Variants in FAP observed in about 807,000 individuals in gnomAD.
FAP encodes prolyl endopeptidase FAP.
Under a neutral mutation model 126.5 loss-of-function variants are expected in FAP, and 110 were observed. The observed-to-expected ratio is 0.87, with a 90% CI of 0.74 to 1.02. The LOEUF is 1.02. Among genes scored for constraint, FAP ranks in the 50% least tolerant of loss-of-function variants. The pLI is 0.00. For synonymous variants in FAP, 334 were observed against 297.3 expected (o/e 1.12, Z -1.27); for missense variants, 919 against 909.2 (o/e 1.01, Z -0.14).
At chr2:162,206,366 GT>G (rs1488151539) in intron 12 of FAP, among the ~76,000 whole-genome samples, 2 of 152,134 alleles carry the variant, frequency 1.3e-5, no homozygotes, top group Admixed American at 1.3e-4. Context: ...TCTATATGAA[GT>G]GCAAAGCCAT....
intron 12 of FAP, among the ~76,000 whole-genome samples, chr2:162,204,727 T>C (rs181715450): frequency 1.3e-5 from 2 of 152,316 alleles, no homozygotes; most frequent in Admixed American, 1.3e-4. Context: ...AATAAATTTC[T>C]GTTGTTTTAA....
intron 12 of FAP, among the ~76,000 whole-genome samples, chr2:162,205,813 A>G (rs76803791): frequency 0.012 from 1,844 of 152,240 alleles, 24 homozygotes; most frequent in South Asian, 0.023. Context: ...TACCCGGCCT[A>G]TGTCTCCTTC....
intron 15 of FAP, 52 bp from the exon 16 acceptor site, chr2:162,198,933 C>A: frequency 3.3e-6 from 5 of 1,517,634 alleles, no homozygotes; most frequent in South Asian, 1.1e-5. Flanking sequence ...TTGTATTTAT[C>A]AAAATGTACT....
rs1167000718 is a variant in FAP at position 162,188,228 on chromosome 2, G to A, written c.1755C>T (p.Leu585=). 9 of 1,613,180 alleles carry A rather than the reference G, an allele frequency of 5.6e-6. No homozygotes were observed. The highest frequency in any genetic ancestry group is 1.3e-5 in the African/African-American group (1 of 74,836). ...CACCCAGCTTTCGATACACTGCATA[G>A]AGGAGTTTGTCACCTTGGAAAGCTG... is the stretch of plus-strand genomic sequence containing the variant. ...RGTAFQGDKL[L]YAVYRKLGVY... Residue 585 remains leucine (L), a synonymous_variant, in exon 20 of 26, where the codon CTC becomes CTT. Coordinates refer to ENST00000188790, the MANE Select transcript of FAP (RefSeq NM_004460.5).
intron 20 of FAP, among the ~76,000 whole-genome samples, chr2:162,186,332 C>T (rs1687866347): frequency 1.3e-5 from 2 of 152,030 alleles, no homozygotes; most frequent in African/African-American, 4.8e-5. Flanking sequence ...ATCCAATTAC[C>T]ACCTCTAGTC....
intron 17 of FAP, among the ~76,000 whole-genome samples, chr2:162,190,584 G>A (rs1241314664): frequency 3.3e-5 from 5 of 152,136 alleles, no homozygotes; most frequent in East Asian, 1.9e-4. Context: ...TAGCAATAGC[G>A]GGCTTTTTAT....
rs1687936801 is a variant in FAP, at chr2:162,188,684, G to T, written c.1620-321C>A. 3.3e-5 allele frequency among the ~76,000 whole-genome samples: 5 copies of T among 152,092 alleles called. No homozygotes were observed. In the South Asian group the frequency reaches 8.3e-4, roughly 25 times the overall value. ...AGACATAAGATATACTAAAAAAAAT[G>T]CATGGTGTTTTAAGCAAATTGTGTG... is the stretch of plus-strand genomic sequence containing the variant. On this transcript the variant is annotated intron_variant, in intron 19 of 25. Transcript: ENST00000188790.
At chr2:162,179,940 C>T (rs964376257) in intron 21 of FAP, among the ~76,000 whole-genome samples, 1 of 151,740 alleles carries the variant, frequency 6.6e-6, no homozygotes, top group Non-Finnish European at 1.5e-5. Flanking sequence ...TCCTGAGTAG[C>T]TGGGATTACA....
At chr2:162,200,255 T>G (rs533473116) in intron 15 of FAP, among the ~76,000 whole-genome samples, 1 of 152,178 alleles carries the variant, frequency 6.6e-6, no homozygotes, top group Admixed American at 6.5e-5. Context: ...TCAACAAATG[T>G]GTGTTAAATA....
intron 9 of FAP, among the ~76,000 whole-genome samples, chr2:162,216,558 G>T (rs1468898685): frequency 6.6e-6 from 1 of 152,124 alleles, no homozygotes; most frequent in Admixed American, 6.5e-5. Flanking sequence ...AAGTATCCAT[G>T]AGATTTATAC....
At chr2:162,210,467 A>G (rs1688882710) in intron 11 of FAP, among the ~76,000 whole-genome samples, 1 of 152,236 alleles carries the variant, frequency 6.6e-6, no homozygotes, top group African/African-American at 2.4e-5. Flanking sequence ...ACTTTTCTAG[A>G]CAAATAATTA....
chr2:162,192,482 C>T (rs1466462660), intron 17 of FAP, among the ~76,000 whole-genome samples: 2 of 152,072 alleles, frequency 1.3e-5, no homozygotes, highest in African/African-American at 4.8e-5. Context: ...TTCCATTTCT[C>T]AAGTGTTGAT....
At position 162,214,002 on chromosome 2, in the gene FAP, T is replaced by C; in HGVS notation, c.938A>G (p.Gln313Arg). Residue 313 changes from glutamine to arginine, a missense_variant, in exon 11 of 26, where the codon CAG (glutamine) becomes CGG (arginine). Transcript: ENST00000188790. ...ACATATAGACAGGACCGAAACATTC[T>C]GGACTCTTTTTAGCCACTGCAAACA... ...RVCLQWLKRV[Q>R]NVSVLSICDF... The C allele has an allele frequency of 4.3e-6, 7 of 1,614,148 alleles. No individual in the cohort carries two copies. Among genetic ancestry groups the C allele is most frequent in the Non-Finnish European group, 5.9e-6 (7 of 1,180,004 alleles).
At chr2:162,172,975 A>T in intron 24 of FAP, 91 bp from the exon 25 acceptor site, 1 of 1,154,412 alleles carries the variant, frequency 8.7e-7, no homozygotes, top group Non-Finnish European at 1.3e-6. Context: ...ACCAACAATT[A>T]TCTAGTCATG....
chr2:162,238,782 T>G (rs1447551584), intron 2 of FAP, among the ~76,000 whole-genome samples: 1 of 152,200 alleles, frequency 6.6e-6, no homozygotes, highest in Non-Finnish European at 1.5e-5. Context: ...ATATCTTATT[T>G]TACCAAAGGT....
At chr2:162,202,019 A>G (rs1688518446) in intron 14 of FAP, among the ~76,000 whole-genome samples, 1 of 152,218 alleles carries the variant, frequency 6.6e-6, no homozygotes. Flanking sequence ...AAAGATTCGT[A>G]ATAGATTTCC....
At chr2:162,236,884 G>A (rs1193397760) in intron 2 of FAP, among the ~76,000 whole-genome samples, 1 of 152,082 alleles carries the variant, frequency 6.6e-6, no homozygotes, top group Non-Finnish European at 1.5e-5. Flanking sequence ...TTACCACCAC[G>A]CCTGGCCTGT....
chr2:162,189,965 TTAAC>T (rs534829474), intron 17 of FAP, among the ~76,000 whole-genome samples: 176 of 152,122 alleles, frequency 1.2e-3, no homozygotes, highest in African/African-American at 3.7e-3. Flanking sequence ...CACTGTGTCT[TTAAC>T]TAATTCTAAT....
chr2:162,215,706 G>A (rs575014116), intron 10 of FAP, among the ~76,000 whole-genome samples, 192 bp downstream of exon 10: 315 of 152,246 alleles, frequency 2.1e-3, no homozygotes, highest in African/African-American at 7.0e-3. Flanking sequence ...GATCACCGAG[G>A]TCACGTTTAT....
Sources: allele counts gnomAD v4.1 joint callset (sites outside exome capture counted in the v4.1 genomes callset), GRCh38; gene constraint gnomAD v4.1.1; transcripts MANE v1.5; gene names NCBI Gene and HGNC (gene_info 2026-07-23, HGNC 2026-07-21).